LRRC8C: variants seen among roughly 807,000 people sequenced by gnomAD.
LRRC8C encodes volume-regulated anion channel subunit LRRC8C.
Under a neutral mutation model 55.3 loss-of-function variants are expected in LRRC8C, and 20 were observed. That is an observed-to-expected ratio of 0.36 (90% CI 0.25 to 0.53). The LOEUF (loss-of-function observed/expected upper bound fraction) is 0.53. LRRC8C is among the 20% of genes least tolerant of loss of function. The pLI is 0.92. For synonymous variants in LRRC8C, 376 were observed against 360.7 expected (o/e 1.04, Z -0.48); for missense variants, 659 against 951.4 (o/e 0.69, Z 4.04).
upstream of LRRC8C, among the ~76,000 whole-genome samples, chr1:89,630,357 A>T (rs1291864137): frequency 7.2e-5 from 11 of 152,324 alleles, no homozygotes; most frequent in Admixed American, 5.2e-4. Context: ...CTAGAGATAC[A>T]AGATTTAAGC....
At chr1:89,646,291 CG>C (rs1361007153) in intron 1 of LRRC8C, among the ~76,000 whole-genome samples, 1 of 151,952 alleles carries the variant, frequency 6.6e-6, no homozygotes, top group Non-Finnish European at 1.5e-5. Context: ...ACCCTACTGA[CG>C]TTAAAAGGAT....
At chr1:89,694,538 C>G (rs1242120143) in intron 2 of LRRC8C, among the ~76,000 whole-genome samples, 1 of 149,100 alleles carries the variant, frequency 6.7e-6, no homozygotes, top group African/African-American at 2.5e-5. Flanking sequence ...CCTGCCTCAG[C>G]TTCCTGAGTA....
intron 1 of LRRC8C, among the ~76,000 whole-genome samples, chr1:89,663,557 G>A (rs1428165467): frequency 6.8e-6 from 1 of 147,618 alleles, no homozygotes; most frequent in Admixed American, 6.7e-5. Flanking sequence ...GCGACAGAGC[G>A]AGACTCTGTC....
chr1:89,647,747 T>A (rs1656653964), intron 1 of LRRC8C, among the ~76,000 whole-genome samples: 1 of 152,212 alleles, frequency 6.6e-6, no homozygotes, highest in Non-Finnish European at 1.5e-5. Context: ...AAATGTGTTA[T>A]TTTTCATACA....
intron 2 of LRRC8C, among the ~76,000 whole-genome samples, chr1:89,707,405 T>TA (rs1209794410): frequency 5.4e-5 from 8 of 148,646 alleles, no homozygotes; most frequent in Non-Finnish European, 8.8e-5. Flanking sequence ...AGACTCCATC[T>TA]AAAAAAAACA....
At chr1:89,662,559 A>T (rs944640689) in intron 1 of LRRC8C, among the ~76,000 whole-genome samples, 1 of 152,190 alleles carries the variant, frequency 6.6e-6, no homozygotes, top group Non-Finnish European at 1.5e-5. Context: ...TAATTGAGAG[A>T]TGATGGTGGC....
At chr1:89,641,367 G>T (rs1656450900) in intron 1 of LRRC8C, among the ~76,000 whole-genome samples, 1 of 152,170 alleles carries the variant, frequency 6.6e-6, no homozygotes, top group African/African-American at 2.4e-5. Context: ...GTGGGTTCAA[G>T]GTCACTAGAC....
At chr1:89,653,191 A>C (rs1656837890) in intron 1 of LRRC8C, among the ~76,000 whole-genome samples, 1 of 152,234 alleles carries the variant, frequency 6.6e-6, no homozygotes, top group African/African-American at 2.4e-5. Flanking sequence ...ATTTGTACTC[A>C]AATTATTGAA....
At chr1:89,678,633 G>A (rs1299484334) in intron 1 of LRRC8C, among the ~76,000 whole-genome samples, 1 of 149,546 alleles carries the variant, frequency 6.7e-6, no homozygotes, top group Non-Finnish European at 1.5e-5. Flanking sequence ...CTGGGAGGCA[G>A]ATATTGCAGT....
intron 2 of LRRC8C, among the ~76,000 whole-genome samples, chr1:89,708,829 C>T (rs1228193931): frequency 1.3e-5 from 2 of 152,186 alleles, no homozygotes; most frequent in Non-Finnish European, 2.9e-5. Flanking sequence ...CTGGATTTGA[C>T]AGCCAGCCCT....
chr1:89,696,347 C>CA (rs943506791), intron 2 of LRRC8C, among the ~76,000 whole-genome samples: 4 of 151,838 alleles, frequency 2.6e-5, no homozygotes, highest in Non-Finnish European at 5.9e-5. Context: ...TACGTACCTG[C>CA]AAAAAAAGTG....
At chr1:89,704,296 A>G (rs1241944404) in intron 2 of LRRC8C, among the ~76,000 whole-genome samples, 1 of 152,146 alleles carries the variant, frequency 6.6e-6, no homozygotes, top group Non-Finnish European at 1.5e-5. Flanking sequence ...GATAGTATGT[A>G]ACCTTTTGAG....
At chr1:89,694,380 A>G (rs1027118533) in intron 2 of LRRC8C, among the ~76,000 whole-genome samples, 1 of 152,162 alleles carries the variant, frequency 6.6e-6, no homozygotes, top group Non-Finnish European at 1.5e-5. Flanking sequence ...GGGGCATGGT[A>G]ACATTCTACA....
the LRRC8C span, among the ~76,000 whole-genome samples, chr1:89,621,263 A>C: frequency 1.3e-5 from 2 of 150,338 alleles, no homozygotes; most frequent in African/African-American, 4.9e-5. Flanking sequence ...GATCGAGATC[A>C]TCCTGGCTAA....
intron 1 of LRRC8C, among the ~76,000 whole-genome samples, chr1:89,681,152 C>T (rs1657697021): frequency 6.6e-6 from 1 of 152,148 alleles, no homozygotes; most frequent in African/African-American, 2.4e-5. Flanking sequence ...AGAAGTGGCT[C>T]CCTTAGCTTG....
intron 1 of LRRC8C, among the ~76,000 whole-genome samples, chr1:89,649,581 A>G (rs1656702971): frequency 6.6e-6 from 1 of 152,216 alleles, no homozygotes; most frequent in African/African-American, 2.4e-5. Flanking sequence ...CTGTCTAGAA[A>G]ATGTGAACTC....
chr1:89,674,306 C>T (rs1645757025), intron 1 of LRRC8C, among the ~76,000 whole-genome samples: 1 of 152,098 alleles, frequency 6.6e-6, no homozygotes, highest in South Asian at 2.1e-4. Context: ...TATAAAGAAA[C>T]TTTTCATGCC....
At chr1:89,621,036 T>C in the LRRC8C span, among the ~76,000 whole-genome samples, 1 of 152,222 alleles carries the variant, frequency 6.6e-6, no homozygotes, top group African/African-American at 2.4e-5. Flanking sequence ...GCAGAGAATT[T>C]TGCATGAAGC....
chr1:89,623,987 A>G, the LRRC8C span, among the ~76,000 whole-genome samples: 4 of 152,194 alleles, frequency 2.6e-5, no homozygotes, highest in African/African-American at 9.7e-5. Context: ...GTCAGAGACA[A>G]AAGAAAGTTT....
Sources: allele counts gnomAD v4.1 joint callset (sites outside exome capture counted in the v4.1 genomes callset), GRCh38; gene constraint gnomAD v4.1.1; transcripts MANE v1.5; gene names NCBI Gene and HGNC (gene_info 2026-07-23, HGNC 2026-07-21).